The following LRP1B variants were observed in gnomAD, a reference collection of about 807,000 sequenced individuals.
The protein encoded by LRP1B is LDL receptor related protein 1B.
A neutral mutation model predicts 556.6 loss-of-function variants in LRP1B; 217 were observed. The observed-to-expected ratio is 0.39, with a 90% CI of 0.35 to 0.44. LRP1B has a LOEUF of 0.44. LRP1B is among the 20% of genes least tolerant of loss of function. The pLI, the probability that LRP1B is intolerant of heterozygous loss-of-function variation, is 1.00. For missense variants in LRP1B, 5,053 were observed against 5,620.8 expected (o/e 0.90, Z 3.23); for synonymous variants, 2,047 against 1,865.8 (o/e 1.10, Z -2.50).
intron 1 of LRP1B, among the ~76,000 whole-genome samples, chr2:141,902,409 T>C (rs1291890469): frequency 6.6e-6 from 1 of 151,980 alleles, no homozygotes; most frequent in Non-Finnish European, 1.5e-5. Context: ...TGGCAGAGAT[T>C]AGTTAAAATC....
At chr2:140,788,665 T>C (rs1689997440) in intron 32 of LRP1B, among the ~76,000 whole-genome samples, 1 of 152,182 alleles carries the variant, frequency 6.6e-6, no homozygotes, top group African/African-American at 2.4e-5. Flanking sequence ...AAGTAATGAA[T>C]CATTTCTCTC....
chr2:140,507,761 G>T (rs966111445), intron 52 of LRP1B, among the ~76,000 whole-genome samples: 4 of 152,088 alleles, frequency 2.6e-5, no homozygotes, highest in African/African-American at 9.7e-5. Context: ...TCAAGGTTTG[G>T]GGTATTGCAA....
chr2:140,845,588 A>C (rs1240204702), intron 29 of LRP1B, among the ~76,000 whole-genome samples: 1 of 152,114 alleles, frequency 6.6e-6, no homozygotes, highest in Non-Finnish European at 1.5e-5. Context: ...CAAAATCTAC[A>C]TATTCATAAA....
chr2:141,873,110 C>G (rs1698642317), intron 1 of LRP1B, among the ~76,000 whole-genome samples: 1 of 151,930 alleles, frequency 6.6e-6, no homozygotes, highest in Non-Finnish European at 1.5e-5. Flanking sequence ...GAAAGAATGG[C>G]ACATAAATAT....
intron 2 of LRP1B, among the ~76,000 whole-genome samples, chr2:141,620,811 T>C (rs355576): frequency 0.059 from 9,012 of 152,184 alleles, 434 homozygotes; most frequent in South Asian, 0.16. Flanking sequence ...GGTTGAAGTC[T>C]TAGTTATAGT....
At chr2:141,590,553 C>A (rs1687299790) in intron 2 of LRP1B, among the ~76,000 whole-genome samples, 1 of 151,856 alleles carries the variant, frequency 6.6e-6, no homozygotes, top group Non-Finnish European at 1.5e-5. Context: ...TTTTTATAGG[C>A]AAGAAAGGGT....
chr2:142,130,872 A>C lies in LRP1B; in HGVS notation c.-143T>G. On this transcript the variant is annotated 5_prime_UTR_variant, in exon 1 of 91. Coordinates refer to ENST00000389484, the MANE Select transcript of LRP1B (RefSeq NM_018557.3). Reference sequence around the variant, plus strand: ...ATGTCACTGGAAATTCTTCAGCTCAATGAGTCCAGCCAGTCAGCCTTCTCC... The same window carrying C: ...ATGTCACTGGAAATTCTTCAGCTCACTGAGTCCAGCCAGTCAGCCTTCTCC... 1 of 718,676 alleles carries C rather than the reference A, an allele frequency of 1.4e-6. No individual in the cohort carries two copies. Among genetic ancestry groups the C allele is most frequent in the African/African-American group, 1.7e-5 (1 of 57,148 alleles). The allele number at this position is 718,676 out of a possible 1,614,324, so 44.5% of individuals were successfully genotyped here.
intron 1 of LRP1B, among the ~76,000 whole-genome samples, chr2:141,863,167 TC>T (rs1332416803): frequency 6.6e-6 from 1 of 152,204 alleles, no homozygotes; most frequent in Non-Finnish European, 1.5e-5. Flanking sequence ...TATTTAAACT[TC>T]TATAGCACCA....
chr2:140,730,946 C>G (rs1051236458), intron 35 of LRP1B, among the ~76,000 whole-genome samples: 8 of 152,190 alleles, frequency 5.3e-5, no homozygotes, highest in Non-Finnish European at 8.8e-5. Flanking sequence ...CTGGTAGTGT[C>G]TCACACGCTT....
intron 41 of LRP1B, among the ~76,000 whole-genome samples, chr2:140,629,932 G>A (rs764325989): frequency 1.3e-5 from 2 of 152,166 alleles, no homozygotes; most frequent in Non-Finnish European, 2.9e-5. Context: ...CAAAATAATG[G>A]GAAGTATAGT....
chr2:140,760,739 T>G (rs1016177570), intron 35 of LRP1B, among the ~76,000 whole-genome samples: 1 of 151,720 alleles, frequency 6.6e-6, no homozygotes, highest in Non-Finnish European at 1.5e-5. Flanking sequence ...TACAAAAAAT[T>G]AACTGGCGTG....
At chr2:140,418,041 G>A (rs1455166481) in intron 66 of LRP1B, among the ~76,000 whole-genome samples, 4 of 152,146 alleles carry the variant, frequency 2.6e-5, no homozygotes, top group Admixed American at 1.3e-4. Flanking sequence ...ACATTTCAGC[G>A]ACACAGAATG....
intron 35 of LRP1B, among the ~76,000 whole-genome samples, chr2:140,733,813 A>T (rs1051795404): frequency 6.6e-6 from 1 of 152,190 alleles, no homozygotes; most frequent in Admixed American, 6.5e-5. Flanking sequence ...CTATCTGAAC[A>T]CTCTACTATG....
intron 35 of LRP1B, among the ~76,000 whole-genome samples, chr2:140,740,982 C>T (rs1390292364): frequency 1.3e-5 from 2 of 152,156 alleles, no homozygotes; most frequent in Non-Finnish European, 2.9e-5. Context: ...GGACACCACT[C>T]AGCCCATAAT....
chr2:141,947,422 C>T lies in LRP1B; in HGVS notation c.83-137021G>A, dbSNP rs113412552. ...ACTGCACTCCAGCCTGGGGACACAGCGAGAGTCCATCTCAAAAAAAATAAA... is the reference window on the plus strand; with the variant it reads ...ACTGCACTCCAGCCTGGGGACACAGTGAGAGTCCATCTCAAAAAAAATAAA... On this transcript the variant is annotated intron_variant, in intron 1 of 90. Coordinates refer to ENST00000389484, the MANE Select transcript of LRP1B (RefSeq NM_018557.3). Among the ~76,000 whole-genome samples, 422 of 151,526 alleles carry T rather than the reference C, an allele frequency of 2.8e-3. 1 individual carries two copies. Among genetic ancestry groups the T allele is most frequent in the African/African-American group, 9.4e-3 (387 of 41,266 alleles).
At chr2:142,121,303 A>T (rs1707450133) in intron 1 of LRP1B, among the ~76,000 whole-genome samples, 1 of 152,088 alleles carries the variant, frequency 6.6e-6, no homozygotes, top group Non-Finnish European at 1.5e-5. Flanking sequence ...AGTAAGTTGC[A>T]TCATTTTCAC....
chr2:140,395,273 A>G (rs1264629933), intron 66 of LRP1B, among the ~76,000 whole-genome samples: 1 of 152,218 alleles, frequency 6.6e-6, no homozygotes, highest in African/African-American at 2.4e-5. Context: ...TTATTTTAAA[A>G]AGGGATTCAC....
intron 2 of LRP1B, among the ~76,000 whole-genome samples, chr2:141,715,118 G>A (rs939512646): frequency 2.0e-5 from 3 of 152,130 alleles, no homozygotes; most frequent in East Asian, 1.9e-4. Flanking sequence ...CAAACAAAGT[G>A]TACAGGTAGA....
rs1197389263 is a variant in LRP1B at position 140,475,337 on chromosome 2, T to C, written c.9426A>G (p.Gly3142=). 2 of 1,579,668 alleles carry C rather than the reference T, an allele frequency of 1.3e-6. No homozygotes were observed. Among genetic ancestry groups the C allele is most frequent in the East Asian group, 2.3e-5 (1 of 43,650 alleles). ...PRDLSLDPQA[G]YLYWIDCCEY... is the part of the protein sequence containing the mutation. ...CGCAGCAGTCAATCCAATACAAATA[T>C]CTAGGAAAGAAAATCAATACTGATT... The change falls in exon 60 of 91, where the codon GGA becomes GGG. Residue 3142 remains glycine, a splice_region_variant and synonymous_variant. Coordinates refer to ENST00000389484, the MANE Select transcript of LRP1B (RefSeq NM_018557.3).
Sources: gnomAD v4.1 joint callset for allele counts (sites outside exome capture counted in the v4.1 genomes callset) on GRCh38, gnomAD v4.1.1 for gene constraint, MANE v1.5 for transcripts, NCBI Gene and HGNC (gene_info 2026-07-23, HGNC 2026-07-21) for gene names.